Variants in ACSBG2 observed in about 807,000 individuals in gnomAD.
The protein encoded by ACSBG2 is acyl-CoA synthetase bubblegum family member 2, also known as long-chain-fatty-acid--CoA ligase ACSBG2.
ACSBG2 carries 62 observed loss-of-function variants against 74.7 expected under a neutral mutation model. The observed-to-expected ratio is 0.83, with a 90% CI of 0.68 to 1.03. The LOEUF is 1.03. Among genes scored for constraint, ACSBG2 ranks in the 50% least tolerant of loss-of-function variants. The probability of loss-of-function intolerance (pLI) is 0.00; values close to 1 mark genes in which losing one functional copy is unlikely to be tolerated. For missense variants in ACSBG2, 730 were observed against 817.6 expected (o/e 0.89, Z 1.31); for synonymous variants, 309 against 294.1 (o/e 1.05, Z -0.52).
At chr19:6,141,435 C>A in intron 1 of ACSBG2, 78 bp from the exon 2 acceptor site, 2 of 736,192 alleles carry the variant, frequency 2.7e-6, no homozygotes, top group South Asian at 3.2e-5. Flanking sequence ...CAGACATGAC[C>A]AGTGGATGGA....
chr19:6,146,727 T>C (rs192740671), intron 2 of ACSBG2, among the ~76,000 whole-genome samples: 1 of 151,930 alleles, frequency 6.6e-6, no homozygotes, highest in East Asian at 1.9e-4. Flanking sequence ...ATCGTGCCAT[T>C]GTACTCCAAC....
rs931579926 is a variant in ACSBG2, at chr19:6,174,711, G to A, written c.739-2518G>A. On this transcript the variant is annotated intron_variant, in intron 7 of 14. Transcript: ENST00000588485. The surrounding 1 kb of genome is among the most constrained non-coding windows in gnomAD (Gnocchi z 4.2). Reference sequence around the variant, plus strand: ...GCCTGTAGTCCCAGCTACTCGGGAGGCTGAAGTGAGACGATCCCTTGAGCC... The same window carrying A: ...GCCTGTAGTCCCAGCTACTCGGGAGACTGAAGTGAGACGATCCCTTGAGCC... Among the ~76,000 whole-genome samples, 1 of 152,162 alleles carries A rather than the reference G, an allele frequency of 6.6e-6. No individual in the cohort carries two copies. The highest frequency in any genetic ancestry group is 1.5e-5 in the Non-Finnish European group (1 of 68,026).
At position 6,190,587 on chromosome 19, in the gene ACSBG2, C is replaced by A; in HGVS notation, c.1931C>A (p.Pro644Gln). 1.2e-6 allele frequency: 2 copies of A among 1,613,450 alleles called. No homozygotes were observed. Among genetic ancestry groups the A allele is most frequent in the Non-Finnish European group, 1.7e-6 (2 of 1,179,534 alleles). ...TTGATTTCTCCTTTCTCGATAGGTC[C>A]AATGATGAAACTTAAGAGACATTTT... ...DFSIYGGELG[P>Q]MMKLKRHFVA... The change falls in exon 14 of 15, where the codon CCA (proline) becomes CAA (glutamine). Residue 644 changes from proline (P) to glutamine (Q), a missense_variant. Physicochemically the swap from Pro to Gln is moderately conservative, Grantham distance 76 (BLOSUM62 -1). Coordinates refer to ENST00000588485, the MANE Select transcript of ACSBG2 (RefSeq NM_030924.5).
At chr19:6,158,293 G>T (rs937935526) in intron 5 of ACSBG2, among the ~76,000 whole-genome samples, 1 of 151,694 alleles carries the variant, frequency 6.6e-6, no homozygotes, top group Admixed American at 6.6e-5. Context: ...TCCTGACCTC[G>T]TGATCTGCCC....
chr19:6,160,069 C>T (rs1011259235), intron 5 of ACSBG2, among the ~76,000 whole-genome samples: 3 of 152,094 alleles, frequency 2.0e-5, no homozygotes, highest in African/African-American at 4.8e-5. Flanking sequence ...GACCCCATCC[C>T]GCTTTCTTTG....
At chr19:6,188,344 A>G (rs901415901) in intron 13 of ACSBG2, among the ~76,000 whole-genome samples, 3 of 149,900 alleles carry the variant, frequency 2.0e-5, no homozygotes, top group Admixed American at 6.6e-5. Context: ...TGCAGCAAAG[A>G]CAGAGTTTAA....
intron 5 of ACSBG2, chr19:6,160,579 A>G (rs2089574317): frequency 6.6e-6 from 1 of 152,164 alleles, no homozygotes; most frequent in Non-Finnish European, 1.5e-5. Flanking sequence ...AGTCCTGGAA[A>G]AGGAAGAGCC....
intron 4 of ACSBG2, 64 bp from the exon 5 acceptor site, chr19:6,156,367 T>A (rs1354949161): frequency 3.6e-5 from 54 of 1,509,224 alleles, no homozygotes; most frequent in South Asian, 1.7e-4. Context: ...TCTTTTGACC[T>A]TCCAGACCAT....
chr19:6,159,753 C>A (rs1158564352), intron 5 of ACSBG2, among the ~76,000 whole-genome samples: 1 of 152,136 alleles, frequency 6.6e-6, no homozygotes, highest in Non-Finnish European at 1.5e-5. Context: ...AACTCCTCAT[C>A]TTTGCCTCCA....
Position 6,174,538 on chromosome 19 carries a change from G to A in ACSBG2, c.739-2691G>A, listed in dbSNP as rs1023996328. On this transcript the variant is annotated intron_variant, in intron 7 of 14. Transcript: ENST00000588485. The surrounding 1 kb of genome is among the most constrained non-coding windows in gnomAD (Gnocchi z 4.2). ...TTAATATTGTATTTGGCTGGGTGCAGTGGCTTATGTATGTAATCCCAGCAC... is the reference window on the plus strand; with the variant it reads ...TTAATATTGTATTTGGCTGGGTGCAATGGCTTATGTATGTAATCCCAGCAC... Among the ~76,000 whole-genome samples the A allele has an allele frequency of 3.3e-5, 5 of 152,228 alleles. No homozygotes were observed. Among genetic ancestry groups the A allele is most frequent in the African/African-American group, 1.2e-4 (5 of 41,454 alleles).
chr19:6,188,122 C>T (rs1349037890), intron 13 of ACSBG2, among the ~76,000 whole-genome samples: 1 of 152,210 alleles, frequency 6.6e-6, no homozygotes, highest in Admixed American at 6.5e-5. Context: ...CTGCAGCTCT[C>T]TGGGCTTTGT....
chr19:6,162,494 G>A (rs2089657595), intron 6 of ACSBG2, among the ~76,000 whole-genome samples: 1 of 149,550 alleles, frequency 6.7e-6, no homozygotes, highest in African/African-American at 2.5e-5. Flanking sequence ...GTGAACCCAG[G>A]AGGCGGAGCT....
intron 5 of ACSBG2, among the ~76,000 whole-genome samples, chr19:6,158,211 AT>A: frequency 6.6e-6 from 1 of 151,966 alleles, no homozygotes; most frequent in East Asian, 1.9e-4. Flanking sequence ...GCCTGCCACC[AT>A]GTCCAGCTAA....
rs750935112 is a variant in ACSBG2, at chr19:6,183,068, T to C, written c.1118T>C (p.Met373Thr). The C allele has an allele frequency of 6.2e-7, 1 of 1,614,208 alleles. No homozygotes were observed. The highest frequency in any genetic ancestry group is 8.5e-7 in the Non-Finnish European group (1 of 1,180,032). Residue 373 changes from methionine to threonine, a missense_variant, in exon 10 of 15, where the codon ATG (methionine) becomes ACG (threonine). Transcript: ENST00000588485. ...GKYNTPVSYR[M>T]AKTLVFSKVK... ...TATAATACTCCCGTGAGCTACCGCATGGCTAAGACTCTCGTGTTCAGCAAA... is the reference window on the plus strand; with the variant it reads ...TATAATACTCCCGTGAGCTACCGCACGGCTAAGACTCTCGTGTTCAGCAAA...
At position 6,174,928 on chromosome 19, in the gene ACSBG2, T is replaced by C. The variant is rs1295004454; in HGVS notation, c.739-2301T>C. 6.6e-6 allele frequency among the ~76,000 whole-genome samples: 1 copy of C among 151,962 alleles called. No homozygotes were observed. Among genetic ancestry groups the C allele is most frequent in the African/African-American group, 2.4e-5 (1 of 41,374 alleles). Reference sequence around the variant, plus strand: ...TGTTCAGTGCTAAGATAAACACATTTTAACTCCCCACTAAAACCCCACGAG... The same window carrying C: ...TGTTCAGTGCTAAGATAAACACATTCTAACTCCCCACTAAAACCCCACGAG... On this transcript the variant is annotated intron_variant, in intron 7 of 14. Coordinates refer to ENST00000588485, the MANE Select transcript of ACSBG2 (RefSeq NM_030924.5). The surrounding 1 kb of genome is among the most constrained non-coding windows in gnomAD (Gnocchi z 4.2).
chr19:6,139,949 T>C (rs2088755002), intron 1 of ACSBG2, among the ~76,000 whole-genome samples: 1 of 151,866 alleles, frequency 6.6e-6, no homozygotes. Flanking sequence ...ATAGGCTGGG[T>C]GCGGTGGCTC....
At chr19:6,183,293 C>A in intron 10 of ACSBG2, 21 bp downstream of exon 10, 1 of 1,604,044 alleles carries the variant, frequency 6.2e-7, no homozygotes, top group African/African-American at 1.3e-5. Context: ...CCGGGGCAGA[C>A]CCCTGCTCCT....
At chr19:6,165,199 C>A (rs945601312) in intron 6 of ACSBG2, among the ~76,000 whole-genome samples, 5 of 152,208 alleles carry the variant, frequency 3.3e-5, no homozygotes, top group African/African-American at 1.2e-4. Context: ...TTCTCTATTT[C>A]TTGGCTCCGC....
chr19:6,187,688 C>T lies in ACSBG2; in HGVS notation c.1770C>T (p.Ser590=), dbSNP rs781466921. 5 of 1,614,154 alleles carry T rather than the reference C, an allele frequency of 3.1e-6. 1 individual carries two copies. The South Asian group carries it at 5.5e-5, about 18-fold the overall frequency. ...GTCGGGGTCTGGGCAGCCAGGCATC[C>T]ACCGTGACTGAGATTGTGAAGCAGC... ...NFCRGLGSQA[S]TVTEIVKQQD... is the part of the protein sequence containing the mutation. The change falls in exon 13 of 15, where the codon TCC becomes TCT. Residue 590 remains serine, a synonymous_variant. Transcript: ENST00000588485.
Sources: allele counts gnomAD v4.1 joint callset (sites outside exome capture counted in the v4.1 genomes callset), GRCh38; gene constraint gnomAD v4.1.1; non-coding constraint Gnocchi (gnomAD v3.1); transcripts MANE v1.5; gene names NCBI Gene and HGNC (gene_info 2026-07-23, HGNC 2026-07-21).